The following MAP3K20 variants were observed in gnomAD, a reference collection of about 807,000 sequenced individuals.
MAP3K20 encodes mitogen-activated protein kinase kinase kinase 20.
MAP3K20 carries 40 observed loss-of-function variants against 85.7 expected under a neutral mutation model. That is an observed-to-expected ratio of 0.47 (90% CI 0.36 to 0.61). The LOEUF is 0.61. MAP3K20 is among the 20% of genes least tolerant of loss of function. MAP3K20 has a pLI of 0.00. For missense variants in MAP3K20, 817 were observed against 961.7 expected (o/e 0.85, Z 1.99); for synonymous variants, 325 against 327.7 (o/e 0.99, Z 0.09).
At chr2:173,250,870 T>C (rs539447504) in intron 16 of MAP3K20, among the ~76,000 whole-genome samples, 2 of 152,152 alleles carry the variant, frequency 1.3e-5, no homozygotes, top group South Asian at 4.1e-4. Context: ...TGACACTGTA[T>C]AGATAAAGAA....
intron 11 of MAP3K20, among the ~76,000 whole-genome samples, chr2:173,227,565 A>G (rs575313726): frequency 4.0e-4 from 61 of 152,204 alleles, no homozygotes; most frequent in Non-Finnish European, 7.5e-4. Flanking sequence ...CGTCCAGCTG[A>G]AGCCAGTGCC....
intron 2 of MAP3K20, among the ~76,000 whole-genome samples, chr2:173,141,582 A>G (rs991686808): frequency 2.6e-5 from 4 of 152,204 alleles, no homozygotes; most frequent in Non-Finnish European, 4.4e-5. Flanking sequence ...GACAATGTCA[A>G]TCTAATATAC....
At chr2:173,078,787 A>T (rs1209000536) in intron 1 of MAP3K20, among the ~76,000 whole-genome samples, 1 of 152,340 alleles carries the variant, frequency 6.6e-6, no homozygotes, top group East Asian at 1.9e-4. Context: ...TAGTTTAAAT[A>T]GGGTAAACAA....
intron 17 of MAP3K20, among the ~76,000 whole-genome samples, chr2:173,259,994 C>A (rs566933016): frequency 4.6e-5 from 7 of 152,252 alleles, no homozygotes; most frequent in East Asian, 1.9e-4. Context: ...ACAGACCAAT[C>A]GAAAGTTATA....
intron 3 of MAP3K20, among the ~76,000 whole-genome samples, chr2:173,179,467 G>A (rs2106261546): frequency 6.6e-6 from 1 of 151,148 alleles, no homozygotes; most frequent in South Asian, 2.1e-4. Flanking sequence ...ACCTGATAAA[G>A]AGCATCTACA....
chr2:173,107,299 G>C (rs1285326037), intron 2 of MAP3K20, among the ~76,000 whole-genome samples: 1 of 152,182 alleles, frequency 6.6e-6, no homozygotes, highest in Non-Finnish European at 1.5e-5. Flanking sequence ...GGAGGGCCAG[G>C]CTCTGGACAG....
At chr2:173,177,113 T>C (rs1463597277) in intron 3 of MAP3K20, among the ~76,000 whole-genome samples, 2 of 152,192 alleles carry the variant, frequency 1.3e-5, no homozygotes, top group African/African-American at 4.8e-5. Context: ...AGTATTCCAC[T>C]CTCAATAATT....
intron 2 of MAP3K20, among the ~76,000 whole-genome samples, chr2:173,138,963 G>A (rs1688885879): frequency 6.6e-6 from 1 of 152,164 alleles, no homozygotes; most frequent in African/African-American, 2.4e-5. Flanking sequence ...AAGTCCACAG[G>A]CTGTCTGGAA....
rs1274644433 is a variant in MAP3K20, at chr2:173,134,428, A to ATTTTTTTTTTTTT, written c.160-35370_160-35358dup. Among the ~76,000 whole-genome samples, 12 of 3,156 alleles carry ATTTTTTTTTTTTT rather than the reference A, an allele frequency of 3.8e-3. 1 individual carries two copies. The highest frequency in any genetic ancestry group is 7.7e-3 in the Non-Finnish European group (12 of 1,568). The allele number at this position is 3,156 out of a possible 152,430, so 2.1% of individuals were successfully genotyped here. ...TATATATATATATATATATATATAT[A>ATTTTTTTTTTTTT]TTTTTTTTTTTTTTTTTTTGCAGAG... On this transcript the variant is annotated intron_variant, in intron 2 of 19. Coordinates refer to ENST00000375213, the MANE Select transcript of MAP3K20 (RefSeq NM_016653.3).
intron 2 of MAP3K20, 56 bp from the exon 3 acceptor site, chr2:173,169,748 AT>A: frequency 6.5e-7 from 1 of 1,540,210 alleles, no homozygotes; most frequent in South Asian, 1.1e-5. Flanking sequence ...AGCCTGTTTT[AT>A]TTGACTATTA....
chr2:173,190,791 A>C, intron 5 of MAP3K20, 104 bp from the exon 6 acceptor site: 1 of 1,088,436 alleles, frequency 9.2e-7, no homozygotes, highest in Non-Finnish European at 1.3e-6. Flanking sequence ...ACCTTTCATA[A>C]TCCCATATTG....
rs554818994 is a variant in MAP3K20, at chr2:173,164,245, C to T, written c.160-5560C>T. ...AGTGCTGGGATTTTTTAATAATAGC[C>T]ATTCTAACTGGTGTGAGATGGTATC... On this transcript the variant is annotated intron_variant, in intron 2 of 19. Transcript: ENST00000375213. 9.9e-5 allele frequency among the ~76,000 whole-genome samples: 15 copies of T among 152,180 alleles called. No homozygotes were observed. The South Asian group carries it at 3.1e-3, about 32-fold the overall frequency.
chr2:173,210,645 T>C (rs1285927547), intron 10 of MAP3K20: 1 of 152,188 alleles, frequency 6.6e-6, no homozygotes, highest in Non-Finnish European at 1.5e-5. Flanking sequence ...GATGAAACAT[T>C]TGAGCCAGGT....
intron 1 of MAP3K20, among the ~76,000 whole-genome samples, chr2:173,078,195 GTTTTGT>G (rs146706382): frequency 0.063 from 9,519 of 151,976 alleles, 403 homozygotes; most frequent in Middle Eastern, 0.14. Flanking sequence ...TTTTGTTTTT[GTTTTGT>G]TTTTGTTTTT....
At chr2:173,202,372 TTCTAGCTTCTCATAGCCTCCCCCAAA>T (rs1691095945) in intron 8 of MAP3K20, among the ~76,000 whole-genome samples, 1 of 152,198 alleles carries the variant, frequency 6.6e-6, no homozygotes. Context: ...GCAACTATGT[TTCTAGCTTCTCATAGCCTCCCCCAAA>T]TCCAGCCAAG....
intron 3 of MAP3K20, among the ~76,000 whole-genome samples, chr2:173,171,717 C>T (rs929117240): frequency 6.6e-6 from 1 of 152,114 alleles, no homozygotes; most frequent in Non-Finnish European, 1.5e-5. Flanking sequence ...TTGCACCTAC[C>T]CAAATTCTTC....
chr2:173,142,890 AGT>A (rs1344283468), intron 2 of MAP3K20, among the ~76,000 whole-genome samples: 1 of 152,084 alleles, frequency 6.6e-6, no homozygotes, highest in Non-Finnish European at 1.5e-5. Context: ...AGCCAGGCAC[AGT>A]GGCTCACACC....
chr2:173,265,526 G>A (rs1428244587), intron 19 of MAP3K20, among the ~76,000 whole-genome samples: 6 of 152,110 alleles, frequency 3.9e-5, no homozygotes, highest in East Asian at 1.9e-4. Context: ...CTCAACCTTC[G>A]GAACCTCATT....
chr2:173,222,521 G>A (rs1684279977), intron 11 of MAP3K20: 2 of 985,696 alleles, frequency 2.0e-6, no homozygotes, highest in African/African-American at 1.7e-5. Flanking sequence ...GTGGTCTTAA[G>A]GGGATGCTTC....
Sources: allele counts gnomAD v4.1 joint callset (sites outside exome capture counted in the v4.1 genomes callset), GRCh38; gene constraint gnomAD v4.1.1; transcripts MANE v1.5; gene names NCBI Gene and HGNC (gene_info 2026-07-23, HGNC 2026-07-21).